The following FGD4 variants were observed in gnomAD, a reference collection of about 807,000 sequenced individuals.
FGD4 encodes the protein FYVE, RhoGEF and PH domain-containing protein 4.
FGD4 carries 42 observed loss-of-function variants against 102.0 expected under a neutral mutation model. That is an observed-to-expected ratio of 0.41 (90% confidence interval 0.32 to 0.53). The LOEUF is 0.53. Among genes scored for constraint, FGD4 ranks in the 20% least tolerant of loss-of-function variants. The pLI is 0.21. For synonymous variants in FGD4, 380 were observed against 375.7 expected (o/e 1.01, Z -0.13); for missense variants, 902 against 1,078.2 (o/e 0.84, Z 2.29).
chr12:32,486,743 C>CTAGG (rs1943913708), intron 1 of FGD4, among the ~76,000 whole-genome samples: 2 of 152,162 alleles, frequency 1.3e-5, no homozygotes, highest in Non-Finnish European at 2.9e-5. Context: ...GTTGACTTGA[C>CTAGG]TAGGTACTTC....
In FGD4 at chr12:32,641,067, A is replaced by G. The variant is rs1408328212; in HGVS notation, c.*534A>G. The G allele has an allele frequency of 6.3e-6, 1 of 158,376 alleles. No individual in the cohort carries two copies. Among genetic ancestry groups the G allele is most frequent in the Non-Finnish European group, 1.4e-5 (1 of 71,742 alleles). The allele number at this position is 158,376 out of a possible 1,614,324, so 9.8% of individuals were successfully genotyped here. A position where few individuals can be genotyped will look rare whatever the true frequency, so the allele number is the denominator to read the frequency against. On this transcript the variant is annotated 3_prime_UTR_variant, in exon 17 of 17. Coordinates refer to ENST00000534526, the MANE Select transcript of FGD4 (RefSeq NM_001370298.3). ...AAAAGGACAAATTGTTGGTGTTCAG[A>G]TTTCCGATTTATAAAGAAAAGATAA...
chr12:32,592,998 A>C (rs1947604461), intron 4 of FGD4, among the ~76,000 whole-genome samples: 1 of 152,200 alleles, frequency 6.6e-6, no homozygotes, highest in Non-Finnish European at 1.5e-5. Flanking sequence ...TGTTGAAAGA[A>C]AGATGATAGT....
At chr12:32,561,092 T>G (rs1336574753) in intron 1 of FGD4, among the ~76,000 whole-genome samples, 102 of 126,752 alleles carry the variant, frequency 8.0e-4, no homozygotes, top group African/African-American at 2.1e-3. Context: ...TTTTTTTTTT[T>G]TTTTTTTTTG....
intron 1 of FGD4, among the ~76,000 whole-genome samples, chr12:32,468,008 T>A (rs1943311670): frequency 1.3e-5 from 2 of 152,012 alleles, no homozygotes; most frequent in Admixed American, 1.3e-4. Flanking sequence ...AGAGCGAGAC[T>A]CCATCTCAAA....
chr12:32,513,121 C>T (rs1458120438), intron 1 of FGD4, among the ~76,000 whole-genome samples: 1 of 152,138 alleles, frequency 6.6e-6, no homozygotes, highest in Non-Finnish European at 1.5e-5. Flanking sequence ...AAGGTACATG[C>T]AAAGTGCTGT....
chr12:32,485,932 CAGA>C (rs760498343), intron 1 of FGD4: 64 of 1,271,578 alleles, frequency 5.0e-5, no homozygotes, highest in South Asian at 2.0e-4. Flanking sequence ...GCATCACTGC[CAGA>C]AGAAGACTTA....
intron 11 of FGD4, 29 bp from the exon 12 acceptor site, chr12:32,624,393 A>G (rs1189568218): frequency 1.3e-6 from 2 of 1,522,876 alleles, no homozygotes; most frequent in East Asian, 2.3e-5. Flanking sequence ...AATATTATTT[A>G]CATTCACTTT....
chr12:32,446,212 G>A (rs1025293233), intron 1 of FGD4, among the ~76,000 whole-genome samples: 32 of 152,170 alleles, frequency 2.1e-4, no homozygotes, highest in African/African-American at 7.5e-4. Flanking sequence ...ATGCCTGTGG[G>A]CTAGTTCGAA....
intron 1 of FGD4, chr12:32,534,629 G>C (rs1160332086): frequency 1.7e-5 from 9 of 527,886 alleles, no homozygotes; most frequent in Non-Finnish European, 2.7e-5. Context: ...AGCTCACATT[G>C]GTTTTCAAGT....
chr12:32,542,176 A>T (rs1300639411), intron 1 of FGD4, among the ~76,000 whole-genome samples: 1 of 152,206 alleles, frequency 6.6e-6, no homozygotes, highest in East Asian at 1.9e-4. Context: ...CAGTGTTGGT[A>T]ACTGCAAAAC....
intron 1 of FGD4, among the ~76,000 whole-genome samples, chr12:32,561,298 G>A (rs1592224156): frequency 6.6e-6 from 1 of 151,868 alleles, no homozygotes; most frequent in East Asian, 1.9e-4. Context: ...TGTTGGCCAG[G>A]CTGGTCTTGA....
intron 5 of FGD4, among the ~76,000 whole-genome samples, chr12:32,599,482 G>A (rs188129473): frequency 1.9e-5 from 1 of 53,826 alleles, no homozygotes; most frequent in East Asian, 3.7e-4. Flanking sequence ...GTGACAGAGC[G>A]AGACTCCGTC....
At chr12:32,592,604 A>C (rs1225614505) in intron 4 of FGD4, among the ~76,000 whole-genome samples, 3 of 152,052 alleles carry the variant, frequency 2.0e-5, no homozygotes, top group Admixed American at 6.5e-5. Flanking sequence ...GTTTAAAAAA[A>C]ATATCAGGCT....
At chr12:32,564,710 A>G (rs1229030166) in intron 2 of FGD4, among the ~76,000 whole-genome samples, 1 of 152,236 alleles carries the variant, frequency 6.6e-6, no homozygotes, top group Non-Finnish European at 1.5e-5. Flanking sequence ...ACTTGAAAAT[A>G]TTAAGGAGGT....
chr12:32,498,001 C>T (rs1387284714), intron 1 of FGD4, among the ~76,000 whole-genome samples: 4 of 152,198 alleles, frequency 2.6e-5, no homozygotes, highest in Non-Finnish European at 5.9e-5. Context: ...TCTAAGCCAG[C>T]ATCCTCCTTT....
At chr12:32,441,609 G>A (rs994991285) in intron 1 of FGD4, among the ~76,000 whole-genome samples, 8 of 151,808 alleles carry the variant, frequency 5.3e-5, no homozygotes, top group African/African-American at 1.5e-4. Context: ...TGCAAGCTGC[G>A]CAACCTGGAA....
rs536669519 is a variant in FGD4 at position 32,453,242 on chromosome 12, T to A, written c.166+53283T>A. Among the ~76,000 whole-genome samples the A allele has an allele frequency of 1.7e-3, 188 of 111,764 alleles. 2 individuals carry two copies. Among genetic ancestry groups the A allele is most frequent in the Admixed American group, 4.0e-3 (42 of 10,522 alleles). The allele number at this position is 111,764 out of a possible 152,430, so 73.3% of individuals were successfully genotyped here. On this transcript the variant is annotated intron_variant, in intron 1 of 16. Transcript: ENST00000534526. ...TATAATATAGATATATATATATTTT[T>A]TTTTTTTTAAATGTAGAGCCTCACT...
In FGD4 at chr12:32,637,054, T is replaced by TTC. The variant is rs1950876359; in HGVS notation, c.2314-1600_2314-1599insCT. ...CCTGGCTAATTTTTTTCTTCTTTTT[T>TTC]TTTTTTTTTTTTTTAGTAGAGGCAG... On this transcript the variant is annotated intron_variant, in intron 15 of 16. Transcript: ENST00000534526. Among the ~76,000 whole-genome samples, 12 of 48,532 alleles carry TTC rather than the reference T, an allele frequency of 2.5e-4. No homozygotes were observed. In the South Asian group the frequency reaches 0.01, roughly 41 times the overall value. 31.8% of individuals were successfully genotyped at this position (48,532 alleles called of 152,430 possible).
At chr12:32,547,958 G>A (rs751463310) in intron 1 of FGD4, among the ~76,000 whole-genome samples, 3 of 152,052 alleles carry the variant, frequency 2.0e-5, no homozygotes, top group Non-Finnish European at 2.9e-5. Context: ...CACCTGCCTC[G>A]GCCTCCCAAA....
Sources: allele counts gnomAD v4.1 joint callset (sites outside exome capture counted in the v4.1 genomes callset), GRCh38; gene constraint gnomAD v4.1.1; transcripts MANE v1.5; gene names NCBI Gene and HGNC (gene_info 2026-07-23, HGNC 2026-07-21).